Variants in NPIPB9 observed in about 807,000 individuals in gnomAD.
NPIPB9 encodes the protein nuclear pore complex interacting protein family member B9.
A neutral mutation model predicts 5.6 loss-of-function variants in NPIPB9; 1 was observed. The ratio of observed to expected loss-of-function variants is 0.18; its 90% CI spans 0.06 to 0.84. The LOEUF is 0.84. NPIPB9 is among the 40% of genes least tolerant of loss of function. NPIPB9 has a pLI of 0.70. For synonymous variants in NPIPB9, 2 were observed against 12.5 expected (o/e 0.16, Z 1.77); for missense variants, 3 against 39.1 (o/e 0.08, Z 2.46).
chr16:28,765,672 A>C, intron 3 of NPIPB9, among the ~76,000 whole-genome samples: 2 of 52,490 alleles, frequency 3.8e-5, no homozygotes, highest in South Asian at 1.0e-3. Flanking sequence ...CGGCCTCCCA[A>C]AGTGCTGGGA....
intron 1 of NPIPB9, among the ~76,000 whole-genome samples, chr16:28,757,144 CTGT>C (rs1182072924): frequency 1.6e-4 from 9 of 56,226 alleles, no homozygotes; most frequent in Non-Finnish European, 3.3e-4. Flanking sequence ...CAGTGGGGGT[CTGT>C]CCTGGTCACC....
chr16:28,767,184 C>A (rs1469053044), intron 5 of NPIPB9, among the ~76,000 whole-genome samples: 1 of 64,130 alleles, frequency 1.6e-5, no homozygotes, highest in African/African-American at 6.6e-5. Flanking sequence ...TGTGCCACCA[C>A]ATTCGGCCAA....
At chr16:28,754,957 T>G (rs1285571475) in intron 1 of NPIPB9, among the ~76,000 whole-genome samples, 4 of 120,900 alleles carry the variant, frequency 3.3e-5, no homozygotes, top group Non-Finnish European at 5.4e-5. Flanking sequence ...AGTTACCCCA[T>G]ATGATAGTTT....
intron 2 of NPIPB9, chr16:28,758,515 TC>T (rs1172174820): frequency 3.5e-5 from 1 of 28,682 alleles, no homozygotes; most frequent in Non-Finnish European, 6.4e-5. Flanking sequence ...TTCCCTTACT[TC>T]CCCCCTTCCC....
intron 5 of NPIPB9, among the ~76,000 whole-genome samples, chr16:28,767,382 G>C (rs2049268584): frequency 1.4e-5 from 1 of 72,416 alleles, no homozygotes. Context: ...TCTTAGTAGA[G>C]GCATAGACTT....
intron 3 of NPIPB9, among the ~76,000 whole-genome samples, chr16:28,765,391 C>T (rs1370762048): frequency 2.1e-5 from 1 of 48,026 alleles, no homozygotes; most frequent in East Asian, 6.4e-4. Context: ...CGTGAGCTAC[C>T]GCACCTGGGC....
At chr16:28,758,517 CCCCCTTCCCCTCCCCTT>C (rs1217011053) in intron 2 of NPIPB9, 818 of 52,646 alleles carry the variant, frequency 0.016, no homozygotes, top group Middle Eastern at 0.019. Context: ...CCCTTACTTC[CCCCCTTCCCCTCCCCTT>C]CCCCTTCCCC....
intron 1 of NPIPB9, among the ~76,000 whole-genome samples, chr16:28,756,290 C>T (rs1257159295): frequency 2.2e-4 from 29 of 129,858 alleles, no homozygotes; most frequent in African/African-American, 6.2e-4. Flanking sequence ...CTGCAACCTC[C>T]GCCTCCCGGG....
intron 2 of NPIPB9, chr16:28,758,659 C>T (rs1205996850): frequency 2.4e-6 from 1 of 410,568 alleles, no homozygotes; most frequent in Non-Finnish European, 4.1e-6. Context: ...AAGCCACCTC[C>T]ACCTCTGTCC....
rs1441182804 is a variant in NPIPB9, at chr16:28,765,405, T to C, written c.295-677T>C. Among the ~76,000 whole-genome samples, 138 of 50,556 alleles carry C rather than the reference T, an allele frequency of 2.7e-3. 5 individuals carry two copies. The highest frequency in any genetic ancestry group is 9.8e-3 in the Middle Eastern group (1 of 102). 33.2% of individuals were successfully genotyped at this position (50,556 alleles called of 152,430 possible). A position where few individuals can be genotyped will look rare whatever the true frequency, so the allele number is the denominator to read the frequency against. On this transcript the variant is annotated intron_variant, in intron 3 of 7. Coordinates refer to ENST00000550983, the Ensembl canonical transcript of NPIPB9. ...GCGTGAGCTACCGCACCTGGGCTAT[T>C]TTTTTTTTTTTTTTTTTTTTTTGAG...
In NPIPB9 at chr16:28,753,449, C is replaced by T. The variant is rs1400468122; in HGVS notation, c.25+857C>T. Among the ~76,000 whole-genome samples the T allele has an allele frequency of 3.5e-5, 2 of 56,634 alleles. 1 individual carries two copies. 37.2% of individuals were successfully genotyped at this position (56,634 alleles called of 152,430 possible). On this transcript the variant is annotated intron_variant, in intron 1 of 7. Transcript: ENST00000550983. Reference sequence around the variant, plus strand: ...AATTAGTCATTAAGTTGAACATTATCTTGTCTTTTAAAATGATAATCTCAA... The same window carrying T: ...AATTAGTCATTAAGTTGAACATTATTTTGTCTTTTAAAATGATAATCTCAA...
At chr16:28,756,481 G>A (rs1343191179) in intron 1 of NPIPB9, among the ~76,000 whole-genome samples, 3 of 111,796 alleles carry the variant, frequency 2.7e-5, no homozygotes, top group African/African-American at 5.9e-5. Context: ...GGGATTACAG[G>A]CGTGAGCCAC....
intron 5 of NPIPB9, among the ~76,000 whole-genome samples, chr16:28,767,461 C>T (rs1185601404): frequency 3.2e-5 from 1 of 31,372 alleles, no homozygotes; most frequent in African/African-American, 1.3e-4. Context: ...CCACACACCT[C>T]GGCCTCCCAA....
chr16:28,756,324 C>A (rs2048818391), intron 1 of NPIPB9, among the ~76,000 whole-genome samples: 2 of 129,798 alleles, frequency 1.5e-5, no homozygotes, highest in South Asian at 5.0e-4. Context: ...CCTGCCTCAG[C>A]CTCCTGAGTA....
At chr16:28,753,177 C>CA (rs768080083) in intron 1 of NPIPB9, among the ~76,000 whole-genome samples, 2,063 of 42,674 alleles carry the variant, frequency 0.048, 98 homozygotes, top group South Asian at 0.15. Context: ...GAGACTCTGT[C>CA]AAAAAAAAAA....
chr16:28,752,610 G>T lies in NPIPB9; in HGVS notation c.25+18G>T, dbSNP rs1596737865. 4 of 1,320,314 alleles carry T rather than the reference G, an allele frequency of 3.0e-6. No individual in the cohort carries two copies. The East Asian group carries it at 9.9e-5, about 33-fold the overall frequency. 81.8% of individuals were successfully genotyped at this position (1,320,314 alleles called of 1,614,324 possible). A position where few individuals can be genotyped will look rare whatever the true frequency, so the allele number is the denominator to read the frequency against. On this transcript the variant is annotated intron_variant, in intron 1 of 7. Coordinates refer to ENST00000550983, the Ensembl canonical transcript of NPIPB9. ...TGAGGAAGGTGAGTGAGTGCAGACA[G>T]ATGGGGCCTGGTGCCCTTGAGCAGT... is the stretch of plus-strand genomic sequence containing the variant.
At chr16:28,754,798 C>A (rs531168673) in intron 1 of NPIPB9, among the ~76,000 whole-genome samples, 2 of 143,032 alleles carry the variant, frequency 1.4e-5, no homozygotes, top group South Asian at 4.5e-4. Context: ...TATCCTCAGC[C>A]AGGTGGAGTT....
intron 2 of NPIPB9, among the ~76,000 whole-genome samples, chr16:28,759,271 T>C (rs4556791): frequency 5.8e-3 from 529 of 91,574 alleles, no homozygotes; most frequent in African/African-American, 0.023. Context: ...TTGTCCTGCC[T>C]CAGCCTCCTG....
intron 7 of NPIPB9, chr16:28,771,565 C>A: frequency 1.6e-5 from 1 of 62,556 alleles, no homozygotes; most frequent in South Asian, 8.2e-4. Flanking sequence ...AGCTGTGTGA[C>A]CCTGGGCACA....
Sources: gnomAD v4.1 joint callset for allele counts (sites outside exome capture counted in the v4.1 genomes callset) on GRCh38, gnomAD v4.1.1 for gene constraint, MANE v1.5 for transcripts, NCBI Gene and HGNC (gene_info 2026-07-23, HGNC 2026-07-21) for gene names.